GOLGA1: variants seen among roughly 807,000 people sequenced by gnomAD.
The protein encoded by GOLGA1 is golgin subfamily A member 1.
GOLGA1 carries 63 observed loss-of-function variants against 119.7 expected under a neutral mutation model. The ratio of observed to expected loss-of-function variants is 0.53; its 90% CI spans 0.43 to 0.65. The LOEUF is 0.65. Among genes scored for constraint, GOLGA1 ranks in the 30% least tolerant of loss-of-function variants. GOLGA1 has a pLI of 0.00. For synonymous variants in GOLGA1, 318 were observed against 333.4 expected (o/e 0.95, Z 0.50); for missense variants, 798 against 912.8 (o/e 0.87, Z 1.62).
intron 4 of GOLGA1, among the ~76,000 whole-genome samples, chr9:124,930,629 G>A (rs1830754482): frequency 6.6e-6 from 1 of 152,120 alleles, no homozygotes; most frequent in Admixed American, 6.6e-5. Flanking sequence ...CCAATAAAAT[G>A]GGCATTAAAA....
chr9:124,941,750 T>C (rs1831032382), upstream of GOLGA1, among the ~76,000 whole-genome samples: 1 of 152,202 alleles, frequency 6.6e-6, no homozygotes, highest in Non-Finnish European at 1.5e-5. Context: ...AGCTTCACCA[T>C]CCGCTGCTGG....
At chr9:124,894,380 TTGTGTGTGTGTGTGTGTGTG>T (rs35289660) in intron 15 of GOLGA1, among the ~76,000 whole-genome samples, 2 of 147,722 alleles carry the variant, frequency 1.4e-5, no homozygotes, top group Non-Finnish European at 3.0e-5. Flanking sequence ...ATTTAAAGTT[TTGTGTGTGTGTGTGTGTGTG>T]TGTGTGTGTG....
At chr9:124,916,976 T>A (rs770304141) in intron 10 of GOLGA1, among the ~76,000 whole-genome samples, 8 of 150,768 alleles carry the variant, frequency 5.3e-5, no homozygotes, top group Non-Finnish European at 8.8e-5. Flanking sequence ...ACTATATAAT[T>A]GAGAAAAAAT....
At position 124,881,984 on chromosome 9, in the gene GOLGA1, C is replaced by G; in HGVS notation, c.1966-30G>C. On this transcript the variant is annotated intron_variant, in intron 20 of 22. Coordinates refer to ENST00000373555, the MANE Select transcript of GOLGA1 (RefSeq NM_002077.4). The surrounding 1 kb of genome is among the most constrained non-coding windows in gnomAD (Gnocchi z 4.9). ...AAAACCAGTGGGAAAGATGCTACAC[C>G]GAACCCTCTGAGACAGGTGGAAAAA... is the stretch of plus-strand genomic sequence containing the variant. 2 of 1,547,736 alleles carry G rather than the reference C, an allele frequency of 1.3e-6. No homozygotes were observed. Among genetic ancestry groups the G allele is most frequent in the Non-Finnish European group, 1.8e-6 (2 of 1,133,766 alleles).
chr9:124,906,042 G>A (rs914459317), intron 12 of GOLGA1, among the ~76,000 whole-genome samples: 1 of 151,876 alleles, frequency 6.6e-6, no homozygotes, highest in Non-Finnish European at 1.5e-5. Flanking sequence ...CAACCTGGGA[G>A]GCGGAGGTTG....
chr9:124,916,312 T>C (rs1225331523), intron 10 of GOLGA1, among the ~76,000 whole-genome samples: 1 of 151,434 alleles, frequency 6.6e-6, no homozygotes. Flanking sequence ...GTGGGTTAAA[T>C]AAAAACAAAA....
In GOLGA1 at chr9:124,905,477, A is replaced by C. The variant is rs191912513; in HGVS notation, c.1065+2900T>G. On this transcript the variant is annotated intron_variant, in intron 12 of 22. Transcript: ENST00000373555. ...TCTGCCTCAAATAAATAAATAAATAAATACATACATACCAAAAACCTGCAA... is the reference window on the plus strand; with the variant it reads ...TCTGCCTCAAATAAATAAATAAATACATACATACATACCAAAAACCTGCAA... Among the ~76,000 whole-genome samples, 10 of 152,218 alleles carry C rather than the reference A, an allele frequency of 6.6e-5. 1 individual carries two copies. Among genetic ancestry groups the C allele is most frequent in the East Asian group, 3.9e-4 (2 of 5,172 alleles).
At chr9:124,913,212 G>A (rs1223719116) in intron 10 of GOLGA1, among the ~76,000 whole-genome samples, 4 of 152,032 alleles carry the variant, frequency 2.6e-5, no homozygotes, top group Non-Finnish European at 1.5e-5. Flanking sequence ...TCCATGATCC[G>A]ATCACCTCCC....
At position 124,881,238 on chromosome 9, in the gene GOLGA1, G is replaced by T; in HGVS notation, c.2156C>A (p.Ala719Asp). The T allele has an allele frequency of 6.2e-7, 1 of 1,602,316 alleles. No individual in the cohort carries two copies. Among genetic ancestry groups the T allele is most frequent in the Non-Finnish European group, 8.6e-7 (1 of 1,169,126 alleles). ...RESEAFHLIK[A>D]VSVLLNFSQE... ...GGAAAAGTTCAGCAACACTGACACA[G>T]CTTTTATAAGATGAAAAGCCTGAAA... is the stretch of plus-strand genomic sequence containing the variant. The change falls in exon 22 of 23, where the codon GCT becomes GAT. Residue 719 changes from alanine (A) to aspartate (D), a missense_variant. Ala to Asp is a moderately radical substitution (Grantham distance 126). Transcript: ENST00000373555. This position sits in a 1 kb window ranked among gnomAD's most constrained non-coding sequence, Gnocchi z 4.9.
intron 6 of GOLGA1, among the ~76,000 whole-genome samples, chr9:124,927,319 A>G (rs918216950): frequency 5.9e-5 from 9 of 152,252 alleles, no homozygotes; most frequent in African/African-American, 2.2e-4. Context: ...CCATTTGCAC[A>G]AAGGCAATAT....
At position 124,888,380 on chromosome 9, in the gene GOLGA1, A is replaced by G. The variant is rs372195041; in HGVS notation, c.1778T>C (p.Met593Thr). 6.2e-7 allele frequency: 1 copy of G among 1,614,104 alleles called. No individual in the cohort carries two copies. The highest frequency in any genetic ancestry group is 1.3e-5 in the African/African-American group (1 of 75,046). ...VNESHVTSRA[M>T]QDPVFQLPTA... ...TGGAAGCTGGAACACAGGGTCCTGCATGGCCCTCGAGGTCACCTACAAGGT... is the reference window on the plus strand; with the variant it reads ...TGGAAGCTGGAACACAGGGTCCTGCGTGGCCCTCGAGGTCACCTACAAGGT... Residue 593 changes from methionine (M) to threonine (T), a missense_variant, in exon 19 of 23, where the codon ATG becomes ACG. Coordinates refer to ENST00000373555, the MANE Select transcript of GOLGA1 (RefSeq NM_002077.4). The surrounding 1 kb of genome is among the most constrained non-coding windows in gnomAD (Gnocchi z 4.4).
chr9:124,930,287 A>G (rs1411638121), intron 4 of GOLGA1, among the ~76,000 whole-genome samples: 1 of 152,174 alleles, frequency 6.6e-6, no homozygotes, highest in African/African-American at 2.4e-5. Flanking sequence ...AAATTACTTT[A>G]CCTCTGTTAC....
At chr9:124,929,183 A>C in intron 5 of GOLGA1, 33 bp downstream of exon 5, 1 of 1,308,748 alleles carries the variant, frequency 7.6e-7, no homozygotes, top group Non-Finnish European at 1.1e-6. Context: ...TAAACCTTGA[A>C]AAGATTGAAA....
At position 124,911,989 on chromosome 9, in the gene GOLGA1, G is replaced by C. The variant is rs149338841; in HGVS notation, c.881C>G (p.Thr294Arg). The change falls in exon 11 of 23, where the codon ACA becomes AGA. Residue 294 changes from threonine to arginine, a missense_variant. Coordinates refer to ENST00000373555, the MANE Select transcript of GOLGA1 (RefSeq NM_002077.4). ...AETQEKEDVI[T>R]HLQEKVASLE... is the part of the protein sequence containing the mutation. The stretch of plus-strand genomic sequence containing the variant: ...GGATGCAACCTTCTCTTGCAAATGT[G>C]TGATAACGTCTTCTTTCTCTTGAGT... 396 of 1,612,988 alleles carry C rather than the reference G, an allele frequency of 2.5e-4. 2 individuals are homozygous for C. In the African/African-American group the frequency reaches 4.5e-3, roughly 18 times the overall value.
At chr9:124,893,065 T>C (rs1829894475) in intron 15 of GOLGA1, among the ~76,000 whole-genome samples, 1 of 152,226 alleles carries the variant, frequency 6.6e-6, no homozygotes, top group Non-Finnish European at 1.5e-5. Context: ...CAGTTTGTGA[T>C]GATAGCTCAC....
At chr9:124,899,229 C>G (rs1830045986) in intron 14 of GOLGA1, 100 bp downstream of exon 14, 2 of 1,116,488 alleles carry the variant, frequency 1.8e-6, no homozygotes, top group Non-Finnish European at 1.2e-6. Flanking sequence ...AAAGTGGTTT[C>G]CTAGTGCAGA....
In GOLGA1 at chr9:124,928,344, T is replaced by C. The variant is rs562667899; in HGVS notation, c.302-59A>G. On this transcript the variant is annotated intron_variant, in intron 5 of 22. Transcript: ENST00000373555. ...AACACTTCAGAAACAGCATGACAAATAGCCCATGTGATTACAACTGTCACC... is the reference window on the plus strand; with the variant it reads ...AACACTTCAGAAACAGCATGACAAACAGCCCATGTGATTACAACTGTCACC... 6 of 876,412 alleles carry C rather than the reference T, an allele frequency of 6.8e-6. No homozygotes were observed. The Admixed American group carries it at 8.0e-5, about 12-fold the overall frequency. 54.3% of individuals were successfully genotyped at this position (876,412 alleles called of 1,614,324 possible).
chr9:124,907,969 C>T (rs571358592), intron 12 of GOLGA1, among the ~76,000 whole-genome samples: 1 of 152,220 alleles, frequency 6.6e-6, no homozygotes, highest in African/African-American at 2.4e-5. Context: ...GGATGTCTAC[C>T]ACATAGATAA....
At chr9:124,936,221 A>G (rs1376221780) in intron 3 of GOLGA1, among the ~76,000 whole-genome samples, 1 of 152,160 alleles carries the variant, frequency 6.6e-6, no homozygotes, top group Non-Finnish European at 1.5e-5. Flanking sequence ...ATGTGTGCTT[A>G]TATTTCCTCT....
Sources: gnomAD v4.1 joint callset for allele counts (sites outside exome capture counted in the v4.1 genomes callset) on GRCh38, gnomAD v4.1.1 for gene constraint, Gnocchi (gnomAD v3.1) non-coding constraint, MANE v1.5 for transcripts, NCBI Gene and HGNC (gene_info 2026-07-23, HGNC 2026-07-21) for gene names.